Variants in EML4 observed in about 807,000 individuals in gnomAD.
EML4 encodes the protein echinoderm microtubule-associated protein-like 4.
In EML4, 72 loss-of-function variants were observed where a neutral mutation model predicts 129.0. The observed-to-expected ratio is 0.56, with a 90% confidence interval of 0.46 to 0.68. The LOEUF is 0.68. Among genes scored for constraint, EML4 ranks in the 30% least tolerant of loss-of-function variants. EML4 has a pLI of 0.00. For missense variants in EML4, 1,363 were observed against 1,190.6 expected (o/e 1.14, Z -2.13); for synonymous variants, 532 against 405.0 (o/e 1.31, Z -3.77).
At chr2:42,173,313 A>T (rs887301992) in intron 1 of EML4, among the ~76,000 whole-genome samples, 2 of 151,532 alleles carry the variant, frequency 1.3e-5, no homozygotes, top group African/African-American at 4.8e-5. Flanking sequence ...TTTTTTTTTT[A>T]AACTTTTTTT....
At chr2:42,278,305 G>T (rs1666772753) in intron 6 of EML4, among the ~76,000 whole-genome samples, 1 of 152,140 alleles carries the variant, frequency 6.6e-6, no homozygotes, top group East Asian at 1.9e-4. Context: ...GCATGCGGTG[G>T]CTCACACAGG....
Position 42,264,724 on chromosome 2 carries a change from C to A in EML4, c.660C>A (p.Ile220=). 6.9e-7 allele frequency: 1 copy of A among 1,455,454 alleles called. No homozygotes were observed. The highest frequency in any genetic ancestry group is 9.5e-7 in the Non-Finnish European group (1 of 1,049,252). The allele number at this position is 1,455,454 out of a possible 1,614,324, so 90.2% of individuals were successfully genotyped here. Residue 220 remains isoleucine, a synonymous_variant, in exon 6 of 23, where the codon ATC becomes ATA. Transcript: ENST00000318522. ...TTTCTAGGCATAAAGATGTCATCAT[C>A]AACCAAGGTAAATTAAAAATCCTTT... ...KTADKHKDVI[I]NQEGEYIKMF...
At chr2:42,312,417 C>T (rs1230673728) in intron 17 of EML4, among the ~76,000 whole-genome samples, 1 of 152,130 alleles carries the variant, frequency 6.6e-6, no homozygotes, top group Non-Finnish European at 1.5e-5. Context: ...GCCCTTAAGT[C>T]TGATAAGAAA....
chr2:42,322,278 T>C lies in EML4; in HGVS notation c.2155-3189T>C, dbSNP rs377486191. 4.6e-5 allele frequency among the ~76,000 whole-genome samples: 7 copies of C among 152,200 alleles called. No homozygotes were observed. In the East Asian group the frequency reaches 9.6e-4, roughly 21 times the overall value. On this transcript the variant is annotated intron_variant, in intron 19 of 22. Coordinates refer to ENST00000318522, the MANE Select transcript of EML4 (RefSeq NM_019063.5). ...TTCATATCATTAAAGGCAATTCAGT[T>C]CCCTGAGAGTGCAGCAACGTTTCAG... is the stretch of plus-strand genomic sequence containing the variant.
At chr2:42,270,497 A>G (rs1162391202) in intron 6 of EML4, among the ~76,000 whole-genome samples, 2 of 152,178 alleles carry the variant, frequency 1.3e-5, no homozygotes, top group Non-Finnish European at 2.9e-5. Flanking sequence ...GCTTTTGTTC[A>G]GAGCCTTGCA....
intron 1 of EML4, among the ~76,000 whole-genome samples, chr2:42,209,880 G>T (rs1483521822): frequency 6.6e-6 from 1 of 152,174 alleles, no homozygotes; most frequent in Non-Finnish European, 1.5e-5. Context: ...AGGGAGCCAA[G>T]ATCATGCCAT....
intron 1 of EML4, among the ~76,000 whole-genome samples, chr2:42,179,002 A>C (rs1483176867): frequency 6.6e-6 from 1 of 152,230 alleles, no homozygotes; most frequent in African/African-American, 2.4e-5. Context: ...CATGGTCTTA[A>C]ATTTCCCCCC....
intron 1 of EML4, among the ~76,000 whole-genome samples, chr2:42,188,031 G>T (rs1185083067): frequency 6.6e-6 from 1 of 152,026 alleles, no homozygotes; most frequent in Admixed American, 6.6e-5. Context: ...GTCAAGTTTC[G>T]TTTATTTGCA....
chr2:42,316,119 C>A, intron 18 of EML4, 69 bp downstream of exon 18: 1 of 1,081,686 alleles, frequency 9.2e-7, no homozygotes, highest in Non-Finnish European at 1.4e-6. Flanking sequence ...CATAGTTTTA[C>A]TTCTAATAAG....
chr2:42,281,132 G>A (rs576136673), intron 7 of EML4, among the ~76,000 whole-genome samples, 159 bp downstream of exon 7: 3 of 152,088 alleles, frequency 2.0e-5, no homozygotes, highest in African/African-American at 4.8e-5. Flanking sequence ...GGTGGTTCAC[G>A]CTGGTAATCC....
chr2:42,325,539 T>C lies in EML4; in HGVS notation c.2227T>C (p.Tyr743His). The change falls in exon 20 of 23, where the codon TAT (tyrosine) becomes CAT (histidine). Residue 743 changes from tyrosine (Y) to histidine (H), a missense_variant. Coordinates refer to ENST00000318522, the MANE Select transcript of EML4 (RefSeq NM_019063.5). The part of the protein sequence containing the change: ...NKYIMSNSGD[Y>H]EILYWDIPNG... ...GTATATAATGTCTAACTCGGGAGAC[T>C]ATGAAATATTGTACTGTAAGTATGA... The C allele has an allele frequency of 6.7e-7, 1 of 1,482,692 alleles. No homozygotes were observed. The highest frequency in any genetic ancestry group is 1.2e-5 in the South Asian group (1 of 85,676). The allele number at this position is 1,482,692 out of a possible 1,614,324, so 91.8% of individuals were successfully genotyped here.
chr2:42,310,583 T>G (rs879699227), intron 17 of EML4, among the ~76,000 whole-genome samples: 1 of 152,208 alleles, frequency 6.6e-6, no homozygotes, highest in African/African-American at 2.4e-5. Context: ...TGACCTCAAG[T>G]GATCTGCTTG....
intron 1 of EML4, among the ~76,000 whole-genome samples, chr2:42,187,063 G>GGGGGGGGGGGGGGGGGGGGA (rs1671294073): frequency 9.7e-6 from 1 of 103,230 alleles, no homozygotes; most frequent in African/African-American, 3.7e-5. Context: ...GGGGTGGGGG[G>GGGGGGGGGGGGGGGGGGGGA]GACAGGGTCT....
In EML4 at chr2:42,331,390, ATTAT is replaced by A. The variant is rs1176115096; in HGVS notation, c.*1184_*1187del. On this transcript the variant is annotated 3_prime_UTR_variant, in exon 23 of 23. Coordinates refer to ENST00000318522, the MANE Select transcript of EML4 (RefSeq NM_019063.5). ...TCCTACTCTTTTGGGCAATGCATGT[ATTAT>A]GCATTGGAAAGGTATTTTTTTTAAG... The A allele has an allele frequency of 3.6e-5, 8 of 223,852 alleles. No individual in the cohort carries two copies. Among genetic ancestry groups the A allele is most frequent in the African/African-American group, 1.8e-4 (8 of 44,806 alleles). The allele number at this position is 223,852 out of a possible 1,614,324, so 13.9% of individuals were successfully genotyped here.
At chr2:42,203,042 A>C (rs1187948743) in intron 1 of EML4, among the ~76,000 whole-genome samples, 1 of 152,050 alleles carries the variant, frequency 6.6e-6, no homozygotes, top group Non-Finnish European at 1.5e-5. Context: ...TAATAATAAG[A>C]AGAAGAATAT....
intron 1 of EML4, among the ~76,000 whole-genome samples, chr2:42,216,230 CTTTTTTTTT>C (rs61417977): frequency 4.6e-4 from 20 of 43,378 alleles, no homozygotes; most frequent in African/African-American, 2.5e-3. Flanking sequence ...CGGCCCACTT[CTTTTTTTTT>C]TTTTTTTTTT....
intron 13 of EML4, among the ~76,000 whole-genome samples, chr2:42,298,290 C>G (rs1668069722): frequency 6.6e-6 from 1 of 152,162 alleles, no homozygotes. Flanking sequence ...GCAGTGTAAA[C>G]TTGCTTTTTA....
chr2:42,304,523 G>A lies in EML4; in HGVS notation c.1939G>A (p.Val647Met). ...HCADFHPSGT[V>M]VAIGTHSGRW... ...TGCAGATTTTCATCCAAGTGGCACA[G>A]TGGTGGCCATAGGAACGCACTCAGG... Residue 647 changes from valine to methionine, a missense_variant, in exon 17 of 23, where the codon GTG becomes ATG. Physicochemically the swap from Val to Met is conservative, Grantham distance 21. Transcript: ENST00000318522. 6.2e-7 allele frequency: 1 copy of A among 1,614,138 alleles called. No individual in the cohort carries two copies. The highest frequency in any genetic ancestry group is 1.3e-5 in the African/African-American group (1 of 75,052).
At chr2:42,326,881 C>G (rs1669837788) in intron 21 of EML4, among the ~76,000 whole-genome samples, 1 of 152,120 alleles carries the variant, frequency 6.6e-6, no homozygotes, top group Non-Finnish European at 1.5e-5. Flanking sequence ...GACTCCAGCT[C>G]ATAAATAAAT....
Sources: gnomAD v4.1 joint callset for allele counts (sites outside exome capture counted in the v4.1 genomes callset) on GRCh38, gnomAD v4.1.1 for gene constraint, MANE v1.5 for transcripts, NCBI Gene and HGNC (gene_info 2026-07-23, HGNC 2026-07-21) for gene names.